SHMT2: variants seen among roughly 807,000 people sequenced by gnomAD.
SHMT2 encodes the protein serine hydroxymethyltransferase 2, also known as serine hydroxymethyltransferase, mitochondrial.
Under a neutral mutation model 59.6 loss-of-function variants are expected in SHMT2, and 38 were observed. The observed-to-expected ratio is 0.64, with a 90% confidence interval of 0.49 to 0.84. SHMT2 has a LOEUF of 0.84. SHMT2 is among the 40% of genes least tolerant of loss of function. SHMT2 has a pLI of 0.00. For synonymous variants in SHMT2, 254 were observed against 258.1 expected (o/e 0.98, Z 0.15); for missense variants, 533 against 659.5 (o/e 0.81, Z 2.10).
In SHMT2 at chr12:57,234,587, T is replaced by G. The variant is rs1281785347; in HGVS notation, c.*226T>G. 2 of 424,274 alleles carry G rather than the reference T, an allele frequency of 4.7e-6. No individual in the cohort carries two copies. Among genetic ancestry groups the G allele is most frequent in the African/African-American group, 4.1e-5 (2 of 49,228 alleles). The allele number at this position is 424,274 out of a possible 1,614,324, so 26.3% of individuals were successfully genotyped here. On this transcript the variant is annotated 3_prime_UTR_variant, in exon 12 of 12. Coordinates refer to ENST00000328923, the MANE Select transcript of SHMT2 (RefSeq NM_005412.6). The stretch of plus-strand genomic sequence containing the variant: ...GAAGGAGGGCCCAGGCACTTTCTGT[T>G]TGAACCCCTGTCATGATCACAGTGT...
rs754006426 is a variant in SHMT2 at position 57,231,734 on chromosome 12, G to A, written c.333G>A (p.Val111=). ...GCAGATACTATGGGGGAGCAGAGGTGGTGGATGAAATTGAGCTGCTGTGCC... is the reference window on the plus strand; with the variant it reads ...GCAGATACTATGGGGGAGCAGAGGTAGTGGATGAAATTGAGCTGCTGTGCC... ...PGKRYYGGAE[V]VDEIELLCQR... is the part of the protein sequence containing the mutation. The change falls in exon 4 of 12, where the codon GTG becomes GTA. Residue 111 remains valine (V), a synonymous_variant. Transcript: ENST00000328923. 1 of 1,614,158 alleles carries A rather than the reference G, an allele frequency of 6.2e-7. No individual in the cohort carries two copies. Among genetic ancestry groups the A allele is most frequent in the South Asian group, 1.1e-5 (1 of 91,088 alleles).
chr12:57,233,717 A>G (rs536223783), intron 9 of SHMT2, 32 bp from the exon 10 acceptor site: 2 of 1,613,226 alleles, frequency 1.2e-6, no homozygotes, highest in African/African-American at 1.3e-5. Flanking sequence ...GAGGCCCAGG[A>G]CTCACCACTC....
chr12:57,230,107 G>T, intron 1 of SHMT2: 1 of 1,349,744 alleles, frequency 7.4e-7, no homozygotes, highest in Non-Finnish European at 9.6e-7. Context: ...GCTGGCAAAT[G>T]AGCGGAGTTT....
Position 57,234,222 on chromosome 12 carries a change from C to G in SHMT2, c.1388-12C>G. ...AGCTCTGACCACTTGTTTCCTCACC[C>G]TCTCTCTCTAGCCAAGCTCCAGGAT... On this transcript the variant is annotated splice_polypyrimidine_tract_variant and intron_variant, in intron 11 of 11. Coordinates refer to ENST00000328923, the MANE Select transcript of SHMT2 (RefSeq NM_005412.6). The G allele has an allele frequency of 2.5e-6, 4 of 1,610,074 alleles. No individual in the cohort carries two copies. The highest frequency in any genetic ancestry group is 1.7e-4 in the Middle Eastern group (1 of 6,046).
Position 57,232,274 on chromosome 12 carries a change from T to C in SHMT2, c.576T>C (p.Ser192=), listed in dbSNP as rs373054479. The part of the protein sequence containing the change: ...RISATSIFFE[S]MPYKLNPKTG... ...CAGCCACGTCCATCTTCTTCGAGTC[T>C]ATGCCCTATAAGCTCAACGTGAGTG... Residue 192 remains serine (S), a synonymous_variant, in exon 5 of 12, where the codon TCT becomes TCC. Transcript: ENST00000328923. 2.5e-6 allele frequency: 4 copies of C among 1,614,012 alleles called. No homozygotes were observed. In the African/African-American group the frequency reaches 5.3e-5, roughly 22 times the overall value.
chr12:57,233,630 C>G lies in SHMT2; in HGVS notation c.1091C>G (p.Ala364Gly). The change falls in exon 9 of 12, where the codon GCC becomes GGC. Residue 364 changes from alanine (A) to glycine (G), a missense_variant. Physicochemically the swap from Ala to Gly is moderately conservative, Grantham distance 60. Coordinates refer to ENST00000328923, the MANE Select transcript of SHMT2 (RefSeq NM_005412.6). ...AAGAATGCTCGGGCCATGGCAGATG[C>G]CCTGCTAGAGCGAGGCTACTCACTG... ...VLKNARAMADALLERGYSLVS... is the reference protein window; with the variant it reads ...VLKNARAMADGLLERGYSLVS... The G allele has an allele frequency of 6.2e-7, 1 of 1,614,112 alleles. No individual in the cohort carries two copies. Among genetic ancestry groups the G allele is most frequent in the Non-Finnish European group, 8.5e-7 (1 of 1,179,968 alleles).
Position 57,233,713 on chromosome 12 carries a change from C to G in SHMT2, c.1124-36C>G. Reference sequence around the variant, plus strand: ...GCCTCTGTAGCTTCAGGCAGAGGCCCAGGACTCACCACTCCCCATTTCTTA... The same window carrying G: ...GCCTCTGTAGCTTCAGGCAGAGGCCGAGGACTCACCACTCCCCATTTCTTA... On this transcript the variant is annotated intron_variant, in intron 9 of 11. Coordinates refer to ENST00000328923, the MANE Select transcript of SHMT2 (RefSeq NM_005412.6). 1.2e-6 allele frequency: 2 copies of G among 1,613,196 alleles called. 1 individual carries two copies.
intron 1 of SHMT2, chr12:57,230,380 C>T: frequency 8.7e-7 from 1 of 1,147,756 alleles, no homozygotes; most frequent in Non-Finnish European, 1.1e-6. Context: ...AATCTGTGGC[C>T]TCAGCCCTTG....
At chr12:57,231,085 C>A in intron 2 of SHMT2, 85 bp downstream of exon 2, 1 of 1,324,928 alleles carries the variant, frequency 7.5e-7, no homozygotes, top group Non-Finnish European at 1.1e-6. Flanking sequence ...TTCTCCAAAA[C>A]CCCCTTTCAC....
Position 57,231,762 on chromosome 12 carries a change from C to T in SHMT2, c.361C>T (p.Arg121Cys), listed in dbSNP as rs375584473. 1.2e-4 allele frequency: 188 copies of T among 1,614,210 alleles called. 1 individual carries two copies. The East Asian group carries it at 2.0e-3, about 17-fold the overall frequency. The stretch of plus-strand genomic sequence containing the variant: ...GGATGAAATTGAGCTGCTGTGCCAG[C>T]GCCGGGCCTTGGAAGCCTTTGACCT... ...VVDEIELLCQ[R>C]RALEAFDLDP... is the part of the protein sequence containing the mutation. The change falls in exon 4 of 12, where the codon CGC (arginine) becomes TGC (cysteine). Residue 121 changes from arginine to cysteine, a missense_variant. Coordinates refer to ENST00000328923, the MANE Select transcript of SHMT2 (RefSeq NM_005412.6).
Position 57,231,893 on chromosome 12 carries a change from G to A in SHMT2, c.492G>A (p.Leu164=), listed in dbSNP as rs994715524. 2 of 1,610,844 alleles carry A rather than the reference G, an allele frequency of 1.2e-6. No homozygotes were observed. Among genetic ancestry groups the A allele is most frequent in the African/African-American group, 1.3e-5 (1 of 74,906 alleles). Residue 164 remains leucine, a synonymous_variant, in exon 4 of 12, where the codon CTG becomes CTA. Transcript: ENST00000328923. ...AACCTCACGACCGGATCATGGGGCTGGACCTGCCCGATGGGGGCCAGTGAG... is the reference window on the plus strand; with the variant it reads ...AACCTCACGACCGGATCATGGGGCTAGACCTGCCCGATGGGGGCCAGTGAG... ...LLQPHDRIMG[L]DLPDGGHLTH...
chr12:57,232,818 A>G lies in SHMT2; in HGVS notation c.832A>G (p.Thr278Ala), dbSNP rs2037384500. ...GCACGCGGACATCGTCACCACCACT[A>G]CTCACAAGACTCTTCGAGGGGCCAG... ...FKHADIVTTT[T>A]HKTLRGARSG... The change falls in exon 7 of 12, where the codon ACT becomes GCT. Residue 278 changes from threonine (T) to alanine (A), a missense_variant. Coordinates refer to ENST00000328923, the MANE Select transcript of SHMT2 (RefSeq NM_005412.6). 1 of 1,610,952 alleles carries G rather than the reference A, an allele frequency of 6.2e-7. No individual in the cohort carries two copies. The highest frequency in any genetic ancestry group is 8.5e-7 in the Non-Finnish European group (1 of 1,177,362).
intron 4 of SHMT2, 72 bp downstream of exon 4, chr12:57,231,985 C>G (rs1463927237): frequency 2.0e-6 from 3 of 1,469,958 alleles, no homozygotes; most frequent in Non-Finnish European, 1.9e-6. Context: ...TTATTGAATA[C>G]CTACTGTGGA....
At chr12:57,231,437 G>A in intron 2 of SHMT2, 44 bp from the exon 3 acceptor site, 1 of 1,596,430 alleles carries the variant, frequency 6.3e-7, no homozygotes, top group Non-Finnish European at 8.6e-7. Flanking sequence ...GGAGTCCAGG[G>A]GAAGGGGCTC....
chr12:57,231,362 TGAATGG>T (rs2037309532), intron 2 of SHMT2, 113 bp from the exon 3 acceptor site: 14 of 1,079,802 alleles, frequency 1.3e-5, no homozygotes, highest in Non-Finnish European at 1.7e-5. Context: ...TGGTGCTGAG[TGAATGG>T]AGCTTTCTGC....
In SHMT2 at chr12:57,230,887, A is replaced by G; in HGVS notation, c.118A>G (p.Asn40Asp). ...NAAQTQTGEA[N>D]RGWTGQESLS... ...AGCCCAGACTCAGACTGGGGAAGCAAACAGGGGCTGGACAGGCCAGGAGAG... is the reference window on the plus strand; with the variant it reads ...AGCCCAGACTCAGACTGGGGAAGCAGACAGGGGCTGGACAGGCCAGGAGAG... The change falls in exon 2 of 12, where the codon AAC (asparagine) becomes GAC (aspartate). Residue 40 changes from asparagine to aspartate, a missense_variant. By Grantham distance (23) the Asn-to-Asp change is conservative. Coordinates refer to ENST00000328923, the MANE Select transcript of SHMT2 (RefSeq NM_005412.6). 1 of 1,614,104 alleles carries G rather than the reference A, an allele frequency of 6.2e-7. No individual in the cohort carries two copies. The highest frequency in any genetic ancestry group is 2.2e-5 in the East Asian group (1 of 44,868).
intron 1 of SHMT2, 89 bp from the exon 2 acceptor site, chr12:57,230,714 T>TCTAA: frequency 6.6e-7 from 1 of 1,518,912 alleles, no homozygotes; most frequent in Non-Finnish European, 8.9e-7. Context: ...ACTGGCAGCT[T>TCTAA]GGTGTGGCCT....
In SHMT2 at chr12:57,232,516, CTCA is replaced by C; in HGVS notation, c.663_665del (p.Ile222del). 1 of 1,614,222 alleles carries C rather than the reference CTCA, an allele frequency of 6.2e-7. No homozygotes were observed. The highest frequency in any genetic ancestry group is 8.5e-7 in the Non-Finnish European group (1 of 1,180,030). ...GACTGCTCGACTTTTCCGGCCACGG[CTCA>C]TCATAGCTGGCACCAGCGCCTATGC... is the stretch of plus-strand genomic sequence containing the variant. On this transcript the variant is annotated inframe_deletion, in exon 6 of 12. Transcript: ENST00000328923.
Position 57,234,127 on chromosome 12 carries a change from G to A in SHMT2, c.1387+17G>A, listed in dbSNP as rs767186320. The stretch of plus-strand genomic sequence containing the variant: ...GCAAGACTGGTGAGTGAGCAAGAAG[G>A]AGCCCCGGGCCAGCCAGTTCCCACT... On this transcript the variant is annotated intron_variant, in intron 11 of 11. Transcript: ENST00000328923. 6.2e-7 allele frequency: 1 copy of A among 1,613,932 alleles called. No homozygotes were observed. The highest frequency in any genetic ancestry group is 8.5e-7 in the Non-Finnish European group (1 of 1,179,838).
Sources: gnomAD v4.1 joint callset for allele counts on GRCh38, gnomAD v4.1.1 for gene constraint, MANE v1.5 for transcripts, NCBI Gene and HGNC (gene_info 2026-07-23, HGNC 2026-07-21) for gene names.